Variants in SPIRE1 observed in about 807,000 individuals in gnomAD.
The protein encoded by SPIRE1 is spire type actin nucleation factor 1, also known as protein spire homolog 1.
SPIRE1 carries 40 observed loss-of-function variants against 94.1 expected under a neutral mutation model. The observed-to-expected ratio is 0.43, with a 90% CI of 0.33 to 0.55. The LOEUF is 0.55. Among genes scored for constraint, SPIRE1 ranks in the 20% least tolerant of loss-of-function variants. SPIRE1 has a pLI of 0.06. For synonymous variants in SPIRE1, 376 were observed against 371.7 expected (o/e 1.01, Z -0.13); for missense variants, 838 against 975.2 (o/e 0.86, Z 1.87).
At chr18:12,461,864 C>G (rs2031879479) in intron 12 of SPIRE1, among the ~76,000 whole-genome samples, 1 of 152,156 alleles carries the variant, frequency 6.6e-6, no homozygotes, top group Non-Finnish European at 1.5e-5. Context: ...AACTTCTGGC[C>G]TCAGGCGATT....
chr18:12,496,231 C>A, intron 6 of SPIRE1, 129 bp from the exon 7 acceptor site: 3 of 610,558 alleles, frequency 4.9e-6, no homozygotes, highest in Non-Finnish European at 8.8e-6. Context: ...CATTTCAAAT[C>A]AATAAAGTGG....
At chr18:12,518,500 A>AT (rs1415752652) in intron 4 of SPIRE1, among the ~76,000 whole-genome samples, 1 of 141,638 alleles carries the variant, frequency 7.1e-6, no homozygotes, top group Non-Finnish European at 1.5e-5. Context: ...TCACACACAC[A>AT]AAAAAAAAAA....
chr18:12,508,663 C>A (rs2033919273), intron 5 of SPIRE1, among the ~76,000 whole-genome samples: 1 of 151,072 alleles, frequency 6.6e-6, no homozygotes, highest in Non-Finnish European at 1.5e-5. Flanking sequence ...TAAAAGGATT[C>A]AAACACACTT....
At chr18:12,560,121 T>C (rs2035641526) in intron 2 of SPIRE1, among the ~76,000 whole-genome samples, 1 of 152,212 alleles carries the variant, frequency 6.6e-6, no homozygotes, top group African/African-American at 2.4e-5. Context: ...AAGGGAACCC[T>C]TGTACACTGC....
At chr18:12,653,721 G>A (rs2038444656) in intron 1 of SPIRE1, among the ~76,000 whole-genome samples, 1 of 152,204 alleles carries the variant, frequency 6.6e-6, no homozygotes. Context: ...GCCAAGGCTG[G>A]TGGATCACTG....
At chr18:12,610,612 G>C (rs529119300) in intron 2 of SPIRE1, among the ~76,000 whole-genome samples, 1 of 152,212 alleles carries the variant, frequency 6.6e-6, no homozygotes, top group African/African-American at 2.4e-5. Context: ...ATAGCTGAAT[G>C]TGGCTAGAGT....
intron 2 of SPIRE1, among the ~76,000 whole-genome samples, chr18:12,586,039 C>T (rs2036384156): frequency 6.6e-6 from 1 of 152,220 alleles, no homozygotes; most frequent in African/African-American, 2.4e-5. Context: ...TAACCTCAAA[C>T]TCCTGGGCTC....
chr18:12,658,557 G>T (rs182085739), upstream of SPIRE1: 84 of 470,724 alleles, frequency 1.8e-4, 1 homozygote, highest in East Asian at 5.3e-3. Flanking sequence ...GAAGTCACCC[G>T]CATTGACGTT....
chr18:12,644,070 A>G (rs1161477595), intron 1 of SPIRE1, among the ~76,000 whole-genome samples: 1 of 151,090 alleles, frequency 6.6e-6, no homozygotes, highest in Non-Finnish European at 1.5e-5. Context: ...ATGATGGCAC[A>G]TGCCTGTAGT....
chr18:12,453,433 A>ATT (rs34797411), intron 13 of SPIRE1, among the ~76,000 whole-genome samples: 53,023 of 144,454 alleles, frequency 0.37, 10,699 homozygotes, highest in East Asian at 0.63. Context: ...TCTCAGATAC[A>ATT]TTTTTTTTTT....
chr18:12,473,961 G>A (rs1053970274), intron 10 of SPIRE1, among the ~76,000 whole-genome samples: 13 of 152,158 alleles, frequency 8.5e-5, no homozygotes, highest in African/African-American at 3.1e-4. Context: ...TGGAAAAGGA[G>A]ATTAAATAAG....
At chr18:12,622,768 C>T (rs1257812009) in intron 2 of SPIRE1, among the ~76,000 whole-genome samples, 1 of 152,152 alleles carries the variant, frequency 6.6e-6, no homozygotes, top group Non-Finnish European at 1.5e-5. Flanking sequence ...CTTGGCACCA[C>T]CTTGTCTTTC....
chr18:12,530,086 T>A (rs1361492574), intron 4 of SPIRE1, among the ~76,000 whole-genome samples: 2 of 152,178 alleles, frequency 1.3e-5, no homozygotes, highest in East Asian at 1.9e-4. Flanking sequence ...GCCTACAGCA[T>A]CCTCAATTTT....
At position 12,576,941 on chromosome 18, in the gene SPIRE1, A is replaced by G. The variant is rs190329368; in HGVS notation, c.373-30037T>C. Among the ~76,000 whole-genome samples, 1,059 of 151,652 alleles carry G rather than the reference A, an allele frequency of 7.0e-3. 5 individuals are homozygous for G. The highest frequency in any genetic ancestry group is 0.011 in the Non-Finnish European group (739 of 67,870). ...CAATAACAGTCATCAACACTGTTTA[A>G]TACTGGCCTGGCCTAAGGGTCAACA... On this transcript the variant is annotated intron_variant, in intron 2 of 16. Transcript: ENST00000409402.
chr18:12,658,856 C>G (rs2038636530), upstream of SPIRE1: 1 of 309,686 alleles, frequency 3.2e-6, no homozygotes, highest in South Asian at 2.5e-5. Flanking sequence ...GGAATATAAA[C>G]ATGTACATAA....
intron 2 of SPIRE1, among the ~76,000 whole-genome samples, chr18:12,599,847 CCT>C (rs1217784887): frequency 6.6e-6 from 1 of 152,126 alleles, no homozygotes; most frequent in Non-Finnish European, 1.5e-5. Flanking sequence ...CTGTTCATGC[CCT>C]GTGTGACTCC....
rs556256649 is a variant in SPIRE1, at chr18:12,491,972, C to CA, written c.1189+1099dup. The stretch of plus-strand genomic sequence containing the variant: ...TGTTAAGGTTTCTACATTGGGAAAA[C>CA]AAAATGCAATGGTTTGGGGAGAGAC... On this transcript the variant is annotated intron_variant, in intron 8 of 16. Coordinates refer to ENST00000409402, the MANE Select transcript of SPIRE1 (RefSeq NM_001128626.2). Among the ~76,000 whole-genome samples the CA allele has an allele frequency of 1.7e-4, 26 of 152,272 alleles. 1 individual carries two copies. In the South Asian group the frequency reaches 5.4e-3, roughly 32 times the overall value.
At chr18:12,614,418 A>T (rs903344577) in intron 2 of SPIRE1, among the ~76,000 whole-genome samples, 3 of 152,180 alleles carry the variant, frequency 2.0e-5, no homozygotes, top group African/African-American at 7.2e-5. Context: ...GATCAGTCCC[A>T]AACAAAATAG....
chr18:12,590,557 C>A (rs368816094), intron 2 of SPIRE1, among the ~76,000 whole-genome samples: 4 of 152,142 alleles, frequency 2.6e-5, no homozygotes, highest in African/African-American at 9.7e-5. Flanking sequence ...TATTGGGCCA[C>A]AATAGACTAT....
Sources: allele counts gnomAD v4.1 joint callset (sites outside exome capture counted in the v4.1 genomes callset), GRCh38; gene constraint gnomAD v4.1.1; transcripts MANE v1.5; gene names NCBI Gene and HGNC (gene_info 2026-07-23, HGNC 2026-07-21).